Variants in MEGF6 observed in about 807,000 individuals in gnomAD.
The protein encoded by MEGF6 is multiple epidermal growth factor-like domains protein 6.
MEGF6 carries 184 observed loss-of-function variants against 207.1 expected under a neutral mutation model. That is an observed-to-expected ratio of 0.89 (90% CI 0.79 to 1.00). MEGF6 has a LOEUF of 1.00. Among genes scored for constraint, MEGF6 ranks in the 50% least tolerant of loss-of-function variants. The pLI, the probability that MEGF6 is intolerant of heterozygous loss-of-function variation, is 0.00. For synonymous variants in MEGF6, 1,038 were observed against 910.0 expected, an observed-to-expected ratio of 1.14 and a Z score of -2.53; for missense variants, 2,282 against 2,202.9, an observed-to-expected ratio of 1.04 and a Z score of -0.72.
chr1:3,569,493 T>G (rs1643438357), intron 4 of MEGF6, among the ~76,000 whole-genome samples: 1 of 152,178 alleles, frequency 6.6e-6, no homozygotes, highest in African/African-American at 2.4e-5. Flanking sequence ...GGAATCTGGA[T>G]GGGACAGGAT....
chr1:3,514,963 G>A (rs1208329294), intron 6 of MEGF6, among the ~76,000 whole-genome samples: 1 of 152,288 alleles, frequency 6.6e-6, no homozygotes, highest in East Asian at 1.9e-4. Context: ...ACACCAAGGC[G>A]GCGGCCCCCC....
chr1:3,538,678 G>A (rs12049456), intron 4 of MEGF6, among the ~76,000 whole-genome samples: 34,639 of 149,898 alleles, frequency 0.23, 4,328 homozygotes, highest in East Asian at 0.41. Context: ...CTCTGCTGCC[G>A]GCCAGCAGAG....
intron 34 of MEGF6, chr1:3,493,365 C>T (rs1022900374): frequency 4.7e-5 from 12 of 254,224 alleles, no homozygotes; most frequent in Non-Finnish European, 6.9e-5. Context: ...CCCTCCTATC[C>T]TCAGGTGGGT....
At chr1:3,621,591 C>G in the MEGF6 span, among the ~76,000 whole-genome samples, 3 of 152,214 alleles carry the variant, frequency 2.0e-5, no homozygotes, top group Non-Finnish European at 4.4e-5. Context: ...TACACCGGAA[C>G]AGCTCGTGCC....
chr1:3,618,410 C>A, the MEGF6 span, among the ~76,000 whole-genome samples: 1 of 152,112 alleles, frequency 6.6e-6, no homozygotes, highest in Non-Finnish European at 1.5e-5. The surrounding 1 kb of genome is among the most constrained non-coding windows in gnomAD (Gnocchi z 4.7). Context: ...GGCCGAGAGA[C>A]CACCTGGGGA....
intron 4 of MEGF6, among the ~76,000 whole-genome samples, chr1:3,553,185 T>C (rs1212352767): frequency 6.7e-5 from 7 of 104,816 alleles, no homozygotes; most frequent in African/African-American, 2.3e-4. Flanking sequence ...CCCCAAATCC[T>C]CTTCCTTCCC....
intron 3 of MEGF6, among the ~76,000 whole-genome samples, chr1:3,585,502 GTGTGGGTGTGAGTGACACATGTCCTGT>G (rs1643880721): frequency 6.7e-6 from 1 of 149,850 alleles, no homozygotes; most frequent in African/African-American, 2.5e-5. Context: ...CTTGTCCTGT[GTGTGGGTGTGAGTGACACATGTCCTGT>G]TGTGGGTGTG....
At chr1:3,495,071 T>C (rs1640543988) in intron 30 of MEGF6, among the ~76,000 whole-genome samples, 1 of 152,128 alleles carries the variant, frequency 6.6e-6, no homozygotes, top group Non-Finnish European at 1.5e-5. Flanking sequence ...ACCAGCTGTC[T>C]CCCGCTTGGG....
At chr1:3,550,832 G>A (rs575742718) in intron 4 of MEGF6, among the ~76,000 whole-genome samples, 12 of 152,218 alleles carry the variant, frequency 7.9e-5, no homozygotes, top group South Asian at 2.1e-4. Flanking sequence ...CACCCCCACC[G>A]CCCGTGCACT....
At chr1:3,513,682 C>A (rs1641434470) in intron 7 of MEGF6, among the ~76,000 whole-genome samples, 1 of 147,834 alleles carries the variant, frequency 6.8e-6, no homozygotes, top group East Asian at 2.0e-4. Context: ...CCTTGACCTC[C>A]TGGGCTCAAG....
At chr1:3,498,247 T>G in intron 26 of MEGF6, 124 bp downstream of exon 26, 1 of 1,261,538 alleles carries the variant, frequency 7.9e-7, no homozygotes, top group South Asian at 1.6e-5. Context: ...GCTCTTGCAT[T>G]CACAGGACAA....
chr1:3,506,227 T>G lies in MEGF6; in HGVS notation c.1799A>C (p.Lys600Thr). The G allele has an allele frequency of 6.2e-7, 1 of 1,609,170 alleles. No individual in the cohort carries two copies. Among genetic ancestry groups the G allele is most frequent in the Non-Finnish European group, 8.5e-7 (1 of 1,178,460 alleles). The change falls in exon 15 of 37, where the codon AAG (lysine) becomes ACG (threonine). Residue 600 changes from lysine to threonine, a missense_variant. Physicochemically the swap from Lys to Thr is moderately conservative, Grantham distance 78. Coordinates refer to ENST00000356575, the MANE Select transcript of MEGF6 (RefSeq NM_001409.4). ...SGTNCEDGCPKGYYGKHCRKK... is the reference protein window; with the variant it reads ...SGTNCEDGCPTGYYGKHCRKK... ...GCGACAGTGCTTGCCATAGTAGCCC[T>G]TGGGGCAGCCTGGGGGCAGCGGGGC...
At chr1:3,521,111 A>C (rs538437482) in intron 5 of MEGF6, among the ~76,000 whole-genome samples, 2 of 152,114 alleles carry the variant, frequency 1.3e-5, no homozygotes, top group African/African-American at 2.4e-5. Context: ...CGGGGTCACG[A>C]CACCCTCCCG....
intron 34 of MEGF6, chr1:3,493,207 CCCCTCCTATCCTCAGGTGGGT>C (rs1324094893): frequency 1.4e-5 from 3 of 218,918 alleles, no homozygotes; most frequent in African/African-American, 4.7e-5. Flanking sequence ...CTCAGGTGAG[CCCCTCCTATCCTCAGGTGGGT>C]CCCTCCTATC....
chr1:3,501,981 T>A, intron 17 of MEGF6, 60 bp from the exon 18 acceptor site: 3 of 1,087,638 alleles, frequency 2.8e-6, no homozygotes, highest in Non-Finnish European at 3.4e-6. Context: ...GACCAGAGCC[T>A]TTCCCCCAGG....
chr1:3,511,846 C>T (rs1324055998), intron 8 of MEGF6, among the ~76,000 whole-genome samples, 159 bp from the exon 9 acceptor site: 1 of 152,168 alleles, frequency 6.6e-6, no homozygotes, highest in Non-Finnish European at 1.5e-5. Flanking sequence ...GTCTGGGACC[C>T]CCTGCTCTCC....
Position 3,558,490 on chromosome 1 carries a change from T to C in MEGF6, c.481+21335A>G, listed in dbSNP as rs115346332. ...GACTCAACTTCCTGGTCATAAGTTG[T>C]AAGGTTGTAAATCAACCCTACCCCC... On this transcript the variant is annotated intron_variant, in intron 4 of 36. Transcript: ENST00000356575. 1.3e-3 allele frequency among the ~76,000 whole-genome samples: 193 copies of C among 152,292 alleles called. 2 individuals are homozygous for C. Among genetic ancestry groups the C allele is most frequent in the African/African-American group, 4.4e-3 (184 of 41,574 alleles).
chr1:3,523,463 C>T (rs1007525936), intron 5 of MEGF6, among the ~76,000 whole-genome samples: 1 of 152,222 alleles, frequency 6.6e-6, no homozygotes, highest in South Asian at 2.1e-4. Context: ...AGTCCGTGTC[C>T]GCGACACCTC....
At chr1:3,605,179 CTCAG>C (rs1557429761) in intron 1 of MEGF6, among the ~76,000 whole-genome samples, 7 of 151,806 alleles carry the variant, frequency 4.6e-5, no homozygotes, top group African/African-American at 9.7e-5. Flanking sequence ...CTTACTCATA[CTCAG>C]TCACACACAC....
Sources: gnomAD v4.1 joint callset for allele counts (sites outside exome capture counted in the v4.1 genomes callset) on GRCh38, gnomAD v4.1.1 for gene constraint, Gnocchi (gnomAD v3.1) non-coding constraint, MANE v1.5 for transcripts, NCBI Gene and HGNC (gene_info 2026-07-23, HGNC 2026-07-21) for gene names.